The following KCNB2 variants were observed in gnomAD, a reference collection of about 807,000 sequenced individuals.
The protein encoded by KCNB2 is potassium voltage-gated channel subfamily B member 2.
In KCNB2, 15 loss-of-function variants were observed where a neutral mutation model predicts 61.5. That is an observed-to-expected ratio of 0.24 (90% CI 0.16 to 0.38). KCNB2 has a LOEUF of 0.38. Among genes scored for constraint, KCNB2 ranks in the 10% least tolerant of loss-of-function variants. The pLI, the probability that KCNB2 is intolerant of heterozygous loss-of-function variation, is 1.00. For missense variants in KCNB2, 828 were observed against 1,125.2 expected (o/e 0.74, Z 3.78); for synonymous variants, 457 against 446.0 (o/e 1.02, Z -0.31).
At chr8:72,583,965 A>AG (rs71267908) in intron 2 of KCNB2, among the ~76,000 whole-genome samples, 6 of 147,390 alleles carry the variant, frequency 4.1e-5, no homozygotes, top group Admixed American at 6.8e-5. Flanking sequence ...AAAAAAAAAA[A>AG]CAAACAAAAC....
chr8:72,882,427 T>C (rs1344605725), intron 2 of KCNB2, among the ~76,000 whole-genome samples: 1 of 152,024 alleles, frequency 6.6e-6, no homozygotes, highest in Admixed American at 6.6e-5. Flanking sequence ...GTGCCATGGC[T>C]CTTTCCAGCT....
At chr8:72,861,175 T>A (rs1585938390) in intron 2 of KCNB2, among the ~76,000 whole-genome samples, 1 of 152,018 alleles carries the variant, frequency 6.6e-6, no homozygotes, top group East Asian at 1.9e-4. Context: ...AGCTTAAGTG[T>A]CTGAACAAAG....
intron 2 of KCNB2, among the ~76,000 whole-genome samples, chr8:72,620,110 G>A (rs899609158): frequency 6.6e-6 from 1 of 152,196 alleles, no homozygotes; most frequent in Non-Finnish European, 1.5e-5. Flanking sequence ...AATTTCACCT[G>A]TTTACATCTA....
chr8:72,827,794 G>A (rs1809619836), intron 2 of KCNB2, among the ~76,000 whole-genome samples: 2 of 150,788 alleles, frequency 1.3e-5, no homozygotes, highest in Admixed American at 6.6e-5. Context: ...GGAGAACAAG[G>A]TTAAATAATA....
chr8:72,557,229 T>G (rs1806443758), intron 1 of KCNB2, among the ~76,000 whole-genome samples: 2 of 152,166 alleles, frequency 1.3e-5, no homozygotes, highest in African/African-American at 2.4e-5. Context: ...CACATGATTT[T>G]CCCATCCCAA....
At chr8:72,799,953 G>A (rs1322018720) in intron 2 of KCNB2, among the ~76,000 whole-genome samples, 8 of 152,114 alleles carry the variant, frequency 5.3e-5, no homozygotes, top group Non-Finnish European at 5.9e-5. Context: ...CATTTCCCTG[G>A]TCCATGTGCA....
At chr8:72,809,362 CT>C (rs950688657) in intron 2 of KCNB2, among the ~76,000 whole-genome samples, 5 of 152,132 alleles carry the variant, frequency 3.3e-5, no homozygotes, top group Non-Finnish European at 5.9e-5. Flanking sequence ...ATCTCATTTT[CT>C]CCCAATGGCA....
At chr8:72,846,228 G>A (rs865798499) in intron 2 of KCNB2, among the ~76,000 whole-genome samples, 1 of 152,108 alleles carries the variant, frequency 6.6e-6, no homozygotes, top group African/African-American at 2.4e-5. Context: ...TGCTTCCCAG[G>A]TAAGGCGACA....
chr8:72,629,837 G>A (rs1333084495), intron 2 of KCNB2, among the ~76,000 whole-genome samples: 2 of 152,120 alleles, frequency 1.3e-5, no homozygotes, highest in Non-Finnish European at 2.9e-5. Context: ...GTAGTGATTT[G>A]GATATCAATT....
chr8:72,917,485 A>G (rs1272675178), intron 2 of KCNB2, among the ~76,000 whole-genome samples: 1 of 152,230 alleles, frequency 6.6e-6, no homozygotes, highest in Non-Finnish European at 1.5e-5. Flanking sequence ...AAAAAAATCC[A>G]GAGTTAAAAG....
Position 72,673,018 on chromosome 8 carries a change from A to G in KCNB2, c.579+104705A>G, listed in dbSNP as rs565638945. Reference sequence around the variant, plus strand: ...TTAAAGAGTTAAACATAACATTACCATATGATCCAGCAATCTCACCTCTGG... The same window carrying G: ...TTAAAGAGTTAAACATAACATTACCGTATGATCCAGCAATCTCACCTCTGG... On this transcript the variant is annotated intron_variant, in intron 2 of 2. Coordinates refer to ENST00000523207, the MANE Select transcript of KCNB2 (RefSeq NM_004770.3). 7.9e-5 allele frequency among the ~76,000 whole-genome samples: 12 copies of G among 152,360 alleles called. No homozygotes were observed. The South Asian group carries it at 2.1e-3, about 26-fold the overall frequency.
chr8:72,561,721 A>ATC (rs1554576117), intron 1 of KCNB2, among the ~76,000 whole-genome samples: 7 of 23,646 alleles, frequency 3.0e-4, no homozygotes, highest in African/African-American at 2.3e-3. Flanking sequence ...ATATATATAT[A>ATC]TATATATCTA....
At chr8:72,691,356 A>G (rs372934269) in intron 2 of KCNB2, among the ~76,000 whole-genome samples, 2 of 152,210 alleles carry the variant, frequency 1.3e-5, no homozygotes, top group African/African-American at 4.8e-5. Context: ...CATAAAAAGA[A>G]AAGTCTTACG....
chr8:72,741,289 T>C (rs1014216754), intron 2 of KCNB2, among the ~76,000 whole-genome samples: 4 of 152,150 alleles, frequency 2.6e-5, no homozygotes, highest in Admixed American at 2.0e-4. Context: ...GCCTTACCTT[T>C]GAAAATCTCC....
At chr8:72,822,794 G>A (rs1809532448) in intron 2 of KCNB2, among the ~76,000 whole-genome samples, 3 of 152,142 alleles carry the variant, frequency 2.0e-5, no homozygotes. Context: ...ACCTCTGGCT[G>A]GAATCTTTGC....
intron 2 of KCNB2, among the ~76,000 whole-genome samples, chr8:72,828,528 G>T (rs988897533): frequency 1.3e-5 from 2 of 152,046 alleles, no homozygotes; most frequent in Admixed American, 6.5e-5. Context: ...GCCGCTGCAG[G>T]GTTTCAGTGT....
At chr8:72,916,117 G>C (rs1388667803) in intron 2 of KCNB2, among the ~76,000 whole-genome samples, 2 of 152,138 alleles carry the variant, frequency 1.3e-5, no homozygotes, top group African/African-American at 4.8e-5. Flanking sequence ...CCATGGAGTG[G>C]ATCCAGGAGA....
intron 2 of KCNB2, among the ~76,000 whole-genome samples, chr8:72,801,027 C>A (rs1809117204): frequency 6.6e-6 from 1 of 152,144 alleles, no homozygotes; most frequent in Admixed American, 6.5e-5. Flanking sequence ...TCACTAGCGG[C>A]TCAAAATGTG....
intron 2 of KCNB2, among the ~76,000 whole-genome samples, chr8:72,837,381 A>T (rs1451518780): frequency 6.6e-6 from 1 of 152,178 alleles, no homozygotes; most frequent in South Asian, 2.1e-4. Flanking sequence ...CTCTCCAGAG[A>T]TACTTCTTAG....
Sources: allele counts gnomAD v4.1 joint callset (sites outside exome capture counted in the v4.1 genomes callset), GRCh38; gene constraint gnomAD v4.1.1; transcripts MANE v1.5; gene names NCBI Gene and HGNC (gene_info 2026-07-23, HGNC 2026-07-21).